GPHN: variants seen among roughly 807,000 people sequenced by gnomAD.
GPHN encodes gephyrin.
GPHN carries 17 observed loss-of-function variants against 95.5 expected under a neutral mutation model. That is an observed-to-expected ratio of 0.18 (90% CI 0.12 to 0.27). The LOEUF is 0.27. Among genes scored for constraint, GPHN ranks in the 10% least tolerant of loss-of-function variants. The pLI, the probability that GPHN is intolerant of heterozygous loss-of-function variation, is 1.00. For missense variants in GPHN, 660 were observed against 978.1 expected (o/e 0.67, Z 4.34); for synonymous variants, 320 against 322.5 (o/e 0.99, Z 0.08).
At chr14:66,548,999 C>T (rs1471523615) in intron 1 of GPHN, among the ~76,000 whole-genome samples, 1 of 152,016 alleles carries the variant, frequency 6.6e-6, no homozygotes, top group African/African-American at 2.4e-5. Context: ...TGACTTTTTA[C>T]GTGCTCTCAT....
chr14:66,824,401 G>C (rs967807395), intron 3 of GPHN, 73 bp from the exon 4 acceptor site: 1 of 763,548 alleles, frequency 1.3e-6, no homozygotes, highest in Non-Finnish European at 2.4e-6. Context: ...AATACAAAGT[G>C]TCCTAGGACT....
chr14:66,878,491 A>G (rs976364019), intron 4 of GPHN, among the ~76,000 whole-genome samples: 4 of 152,194 alleles, frequency 2.6e-5, no homozygotes, highest in African/African-American at 9.6e-5. Flanking sequence ...AATATACAGA[A>G]TCTATAAAGA....
chr14:67,086,650 A>G (rs111858674), intron 11 of GPHN, among the ~76,000 whole-genome samples: 128 of 98,238 alleles, frequency 1.3e-3, no homozygotes, highest in Middle Eastern at 5.4e-3. Context: ...ACTCTGTCTC[A>G]AAAAAAAAAA....
At chr14:66,971,162 C>G (rs1034187279) in intron 9 of GPHN, among the ~76,000 whole-genome samples, 3 of 152,176 alleles carry the variant, frequency 2.0e-5, no homozygotes, top group Non-Finnish European at 1.5e-5. Flanking sequence ...AACCCTGTCT[C>G]TACCAAAAAT....
At chr14:66,515,073 A>G (rs1460880920) in intron 1 of GPHN, among the ~76,000 whole-genome samples, 6 of 152,132 alleles carry the variant, frequency 3.9e-5, no homozygotes, top group Non-Finnish European at 8.8e-5. Context: ...GAAAATGCCT[A>G]GCATTTTCAG....
the GPHN span, among the ~76,000 whole-genome samples, chr14:67,313,009 A>G: frequency 0.011 from 1,695 of 152,174 alleles, 26 homozygotes; most frequent in Non-Finnish European, 0.011. Flanking sequence ...GTATTATACT[A>G]TATACTATAT....
chr14:66,825,283 A>C (rs72728679), intron 4 of GPHN, among the ~76,000 whole-genome samples: 9,069 of 152,014 alleles, frequency 0.06, 320 homozygotes, highest in Middle Eastern at 0.085. Context: ...TCCTTTACCT[A>C]CCCAACCCCC....
the GPHN span, among the ~76,000 whole-genome samples, chr14:67,627,939 T>C: frequency 4.5e-4 from 69 of 152,372 alleles, no homozygotes; most frequent in African/African-American, 1.6e-3. Flanking sequence ...CTTTGACTTC[T>C]AAAGTCACTC....
the GPHN span, among the ~76,000 whole-genome samples, chr14:67,415,741 T>C: frequency 6.6e-6 from 1 of 152,186 alleles, no homozygotes; most frequent in Non-Finnish European, 1.5e-5. Flanking sequence ...TGCCCATCAA[T>C]GTTAGACTGG....
chr14:66,784,210 A>T (rs1250682033), intron 3 of GPHN, among the ~76,000 whole-genome samples: 1 of 152,222 alleles, frequency 6.6e-6, no homozygotes, highest in Admixed American at 6.5e-5. Flanking sequence ...TAGAACTGAG[A>T]AATACCATCA....
chr14:66,774,378 T>A (rs2059304835), intron 2 of GPHN, among the ~76,000 whole-genome samples: 1 of 152,178 alleles, frequency 6.6e-6, no homozygotes, highest in East Asian at 1.9e-4. Context: ...CTCAAAGTGC[T>A]GTACCACAAA....
intron 2 of GPHN, among the ~76,000 whole-genome samples, chr14:66,740,062 G>C (rs1413624476): frequency 1.3e-5 from 2 of 152,034 alleles, no homozygotes; most frequent in Admixed American, 6.5e-5. Context: ...AGAAATTATT[G>C]AGAATTTATC....
the GPHN span, among the ~76,000 whole-genome samples, chr14:67,276,394 A>G: frequency 2.6e-5 from 4 of 152,132 alleles, no homozygotes; most frequent in African/African-American, 9.7e-5. Flanking sequence ...CCTTTCTACT[A>G]TCTGGCTAAT....
chr14:67,352,879 G>T, the GPHN span: 1 of 1,376,914 alleles, frequency 7.3e-7, no homozygotes, highest in Non-Finnish European at 1.0e-6. Context: ...GGCCATGCTG[G>T]ATTTTTCTAA....
At chr14:66,914,981 A>C (rs2065837583) in intron 5 of GPHN, among the ~76,000 whole-genome samples, 1 of 152,168 alleles carries the variant, frequency 6.6e-6, no homozygotes, top group Admixed American at 6.5e-5. Context: ...AAATAGCCTT[A>C]AAGTTTTTAA....
chr14:67,283,960 T>C, the GPHN span, among the ~76,000 whole-genome samples: 5 of 152,200 alleles, frequency 3.3e-5, no homozygotes, highest in Admixed American at 3.3e-4. Context: ...AAAGTAGGGA[T>C]AATAGAGTCA....
At chr14:67,655,201 C>T in the GPHN span, among the ~76,000 whole-genome samples, 1 of 151,908 alleles carries the variant, frequency 6.6e-6, no homozygotes, top group African/African-American at 2.4e-5. Context: ...ATTAGCCAGG[C>T]ACAGTAGCAC....
At chr14:66,989,425 C>T (rs751406821) in intron 9 of GPHN, among the ~76,000 whole-genome samples, 7 of 151,714 alleles carry the variant, frequency 4.6e-5, no homozygotes, top group East Asian at 1.9e-4. Flanking sequence ...TTGCTGATTT[C>T]TGTATGGTAA....
intron 1 of GPHN, among the ~76,000 whole-genome samples, chr14:66,538,553 A>C (rs1189896165): frequency 1.3e-5 from 2 of 151,830 alleles, no homozygotes; most frequent in African/African-American, 4.8e-5. Context: ...TAACCTATCC[A>C]ATAAGTTTTA....
Sources: allele counts gnomAD v4.1 joint callset (sites outside exome capture counted in the v4.1 genomes callset), GRCh38; gene constraint gnomAD v4.1.1; transcripts MANE v1.5; gene names NCBI Gene and HGNC (gene_info 2026-07-23, HGNC 2026-07-21).